Variants in BRD10 observed in about 807,000 individuals in gnomAD.
The protein encoded by BRD10 is bromodomain containing 10.
the BRD10 span, among the ~76,000 whole-genome samples, chr9:5,907,796 T>C: frequency 1.3e-5 from 2 of 151,956 alleles, no homozygotes. Flanking sequence ...TTACTAAAAA[T>C]ACAAAAATTA....
the BRD10 span, chr9:5,892,542 C>T: frequency 1.5e-5 from 24 of 1,612,764 alleles, no homozygotes; most frequent in Middle Eastern, 5.0e-4. Context: ...TCTTACACCA[C>T]GGCTGAAGAG....
At chr9:5,908,378 G>A in the BRD10 span, among the ~76,000 whole-genome samples, 1 of 152,138 alleles carries the variant, frequency 6.6e-6, no homozygotes, top group African/African-American at 2.4e-5. Context: ...GACTTTTACT[G>A]TCATGGAAAA....
the BRD10 span, among the ~76,000 whole-genome samples, chr9:5,943,660 G>C: frequency 6.6e-6 from 1 of 151,720 alleles, no homozygotes; most frequent in Non-Finnish European, 1.5e-5. Context: ...TCCACATCAA[G>C]AGACTGCCTA....
the BRD10 span, among the ~76,000 whole-genome samples, chr9:5,979,886 G>C: frequency 1.3e-5 from 2 of 151,068 alleles, no homozygotes; most frequent in African/African-American, 4.9e-5. Flanking sequence ...CATAGTGGCA[G>C]CACCTGTAGC....
the BRD10 span, chr9:5,921,177 C>G: frequency 6.2e-7 from 1 of 1,613,934 alleles, no homozygotes; most frequent in East Asian, 2.2e-5. Flanking sequence ...CTTTTGTCTT[C>G]TCCTTTTGGG....
At chr9:5,925,201 A>T in the BRD10 span, among the ~76,000 whole-genome samples, 4 of 152,046 alleles carry the variant, frequency 2.6e-5, no homozygotes, top group Non-Finnish European at 5.9e-5. Context: ...TCTACTAAAA[A>T]TACAAAAATT....
chr9:5,921,885 G>A, the BRD10 span: 170 of 1,613,962 alleles, frequency 1.1e-4, no homozygotes, highest in Admixed American at 1.7e-5. Context: ...CCTAATGTAA[G>A]TTTGAGATTT....
the BRD10 span, among the ~76,000 whole-genome samples, chr9:5,908,164 C>T: frequency 2.0e-5 from 3 of 152,092 alleles, no homozygotes; most frequent in Non-Finnish European, 4.4e-5. Context: ...CATTCTGTAA[C>T]ATGAAAATAA....
chr9:5,967,084 T>C, the BRD10 span, among the ~76,000 whole-genome samples: 1 of 152,226 alleles, frequency 6.6e-6, no homozygotes, highest in Non-Finnish European at 1.5e-5. Flanking sequence ...TCCAATTCAT[T>C]ACCAAATTTT....
At chr9:5,903,631 T>C in the BRD10 span, among the ~76,000 whole-genome samples, 1 of 152,202 alleles carries the variant, frequency 6.6e-6, no homozygotes, top group Non-Finnish European at 1.5e-5. Context: ...ATGCAACTAT[T>C]TTTCCTTGCA....
the BRD10 span, chr9:5,891,410 A>G: frequency 3.3e-5 from 5 of 152,144 alleles, no homozygotes; most frequent in African/African-American, 1.2e-4. Context: ...GGTGAGTTTG[A>G]CTTTCATTTC....
the BRD10 span, chr9:6,008,146 C>T: frequency 2.0e-6 from 2 of 982,274 alleles, no homozygotes; most frequent in South Asian, 9.4e-5. Context: ...CCTCGGCGCC[C>T]CACCCCCTCC....
the BRD10 span, among the ~76,000 whole-genome samples, chr9:5,965,854 T>C: frequency 1.3e-5 from 2 of 152,128 alleles, no homozygotes; most frequent in Non-Finnish European, 2.9e-5. Flanking sequence ...GTCTCACACC[T>C]AATAAAGAAG....
the BRD10 span, among the ~76,000 whole-genome samples, chr9:5,915,943 C>A: frequency 6.6e-6 from 1 of 152,144 alleles, no homozygotes; most frequent in African/African-American, 2.4e-5. Context: ...TTACATACAT[C>A]ATTTGATTCT....
At chr9:5,922,913 G>C in the BRD10 span, 1 of 1,613,982 alleles carries the variant, frequency 6.2e-7, no homozygotes, top group East Asian at 2.2e-5. Flanking sequence ...ATTTCTACCT[G>C]TGGAAGGAGG....
the BRD10 span, chr9:5,924,541 T>C: frequency 8.8e-6 from 5 of 566,176 alleles, no homozygotes; most frequent in African/African-American, 9.4e-5. Context: ...CTTCAAAACA[T>C]AACAGATTTC....
the BRD10 span, among the ~76,000 whole-genome samples, chr9:5,986,814 T>C: frequency 6.6e-6 from 1 of 152,236 alleles, no homozygotes; most frequent in East Asian, 1.9e-4. Flanking sequence ...TTGATTCATA[T>C]TCATAGTTTC....
the BRD10 span, chr9:5,968,719 T>G: frequency 3.1e-6 from 5 of 1,612,724 alleles, no homozygotes; most frequent in African/African-American, 6.7e-5. Context: ...TAATCCGAGG[T>G]ACTCTTTGTA....
chr9:5,936,146 A>C, the BRD10 span, among the ~76,000 whole-genome samples: 1 of 152,144 alleles, frequency 6.6e-6, no homozygotes, highest in African/African-American at 2.4e-5. Flanking sequence ...ACTTAAGCCA[A>C]AGAGTTCGAG....
Sources: gnomAD v4.1 joint callset for allele counts (sites outside exome capture counted in the v4.1 genomes callset) on GRCh38, gnomAD v4.1.1 for gene constraint, MANE v1.5 for transcripts, NCBI Gene and HGNC (gene_info 2026-07-23, HGNC 2026-07-21) for gene names.